Variants in ESPL1 observed in about 807,000 individuals in gnomAD.
The protein encoded by ESPL1 is separin.
ESPL1 carries 50 observed loss-of-function variants against 217.2 expected under a neutral mutation model. The ratio of observed to expected loss-of-function variants is 0.23; its 90% CI spans 0.18 to 0.29. The LOEUF is 0.29. Among genes scored for constraint, ESPL1 ranks in the 10% least tolerant of loss-of-function variants. The pLI is 1.00. For synonymous variants in ESPL1, 994 were observed against 1,081.3 expected, an observed-to-expected ratio of 0.92 and a Z score of 1.58; for missense variants, 1,834 against 2,603.0, an observed-to-expected ratio of 0.70 and a Z score of 6.43.
intron 2 of ESPL1, 27 bp from the exon 3 acceptor site, chr12:53,268,997 C>T (rs1943617722): frequency 6.3e-7 from 1 of 1,581,208 alleles, no homozygotes; most frequent in Non-Finnish European, 8.7e-7. Flanking sequence ...CTTTGCTAGC[C>T]CCATTCATAT....
rs761966468 is a variant in ESPL1, at chr12:53,292,129, G to A, written c.5796+41G>A. On this transcript the variant is annotated intron_variant, in intron 27 of 30. Coordinates refer to ENST00000257934, the MANE Select transcript of ESPL1 (RefSeq NM_012291.5). This position sits in a 1 kb window ranked among gnomAD's most constrained non-coding sequence, Gnocchi z 4.5. Reference sequence around the variant, plus strand: ...TAGTGTCTGGGGATGACTGGCGACTGGGGAAGACGTCAACAAAGAAGGGCA... The same window carrying A: ...TAGTGTCTGGGGATGACTGGCGACTAGGGAAGACGTCAACAAAGAAGGGCA... 1.2e-5 allele frequency: 18 copies of A among 1,527,562 alleles called. No homozygotes were observed. The highest frequency in any genetic ancestry group is 1.6e-5 in the Non-Finnish European group (18 of 1,101,330). 94.6% of individuals were successfully genotyped at this position (1,527,562 alleles called of 1,614,324 possible).
chr12:53,274,723 A>C (rs753239624), intron 6 of ESPL1, 94 bp from the exon 7 acceptor site: 3 of 1,019,864 alleles, frequency 2.9e-6, no homozygotes, highest in Non-Finnish European at 3.0e-6. Flanking sequence ...CCGCCCCCTC[A>C]TGTGGTGTAT....
intron 7 of ESPL1, among the ~76,000 whole-genome samples, 164 bp downstream of exon 7, chr12:53,275,174 A>G (rs552126006): frequency 1.3e-5 from 2 of 152,258 alleles, no homozygotes; most frequent in East Asian, 3.9e-4. Flanking sequence ...GGCCGTGCAC[A>G]GTGGCTCACA....
Position 53,277,219 on chromosome 12 carries a change from A to G in ESPL1, c.2077A>G (p.Met693Val), listed in dbSNP as rs149801859. The change falls in exon 9 of 31, where the codon ATG (methionine) becomes GTG (valine). Residue 693 changes from methionine to valine, a missense_variant. By Grantham distance (21) the Met-to-Val change is conservative (BLOSUM62 1). Coordinates refer to ENST00000257934, the MANE Select transcript of ESPL1 (RefSeq NM_012291.5). ...WLYICTLEAK[M>V]QEGIERDRRA... Reference sequence around the variant, plus strand: ...TTACATCTGTACTCTGGAAGCCAAAATGCAGGAAGTGAGTGTGGCTGCTGT... The same window carrying G: ...TTACATCTGTACTCTGGAAGCCAAAGTGCAGGAAGTGAGTGTGGCTGCTGT... The G allele has an allele frequency of 1.9e-6, 3 of 1,607,748 alleles. No individual in the cohort carries two copies. In the African/African-American group the frequency reaches 4.0e-5, roughly 21 times the overall value.
rs958832778 is a variant in ESPL1 at position 53,268,351 on chromosome 12, C to T, written c.-39C>T. The T allele has an allele frequency of 4.2e-5, 8 of 190,550 alleles. No individual in the cohort carries two copies. Among genetic ancestry groups the T allele is most frequent in the African/African-American group, 1.9e-4 (8 of 42,230 alleles). The allele number at this position is 190,550 out of a possible 1,614,324, so 11.8% of individuals were successfully genotyped here. ...CTGGTCAGGCGGTTAAGTCCTGTAC[C>T]TAGGAAAGAGGGCGAGCTCTGGGGC... On this transcript the variant is annotated 5_prime_UTR_variant, in exon 1 of 31. Coordinates refer to ENST00000257934, the MANE Select transcript of ESPL1 (RefSeq NM_012291.5).
chr12:53,272,695 T>G (rs1246890168), intron 5 of ESPL1, 26 bp from the exon 6 acceptor site: 1 of 1,609,852 alleles, frequency 6.2e-7, no homozygotes, highest in Non-Finnish European at 8.5e-7. Flanking sequence ...TTTCCTATGG[T>G]CAATTGTGCC....
intron 24 of ESPL1, 76 bp from the exon 25 acceptor site, chr12:53,290,765 A>G: frequency 1.1e-5 from 6 of 548,216 alleles, no homozygotes; most frequent in Non-Finnish European, 1.3e-5. Flanking sequence ...GCATTTTCTC[A>G]TCTCCAAAAT....
chr12:53,290,925 C>A lies in ESPL1; in HGVS notation c.5449C>A (p.Gln1817Lys). 1.2e-6 allele frequency: 2 copies of A among 1,606,494 alleles called. No individual in the cohort carries two copies. The highest frequency in any genetic ancestry group is 1.7e-6 in the Non-Finnish European group (2 of 1,176,784). ...GTCCAGTGAGGAGCCCGGCCCTGCCCAGGAGGCCTCCCGCCTACAGGAGCT... is the reference window on the plus strand; with the variant it reads ...GTCCAGTGAGGAGCCCGGCCCTGCCAAGGAGGCCTCCCGCCTACAGGAGCT... ...LPSSEEPGPA[Q>K]EASRLQELLQ... Residue 1817 changes from glutamine (Q) to lysine (K), a missense_variant, in exon 25 of 31, where the codon CAG (glutamine) becomes AAG (lysine). Physicochemically the swap from Gln to Lys is moderately conservative, Grantham distance 53. Coordinates refer to ENST00000257934, the MANE Select transcript of ESPL1 (RefSeq NM_012291.5).
chr12:53,284,274 G>A lies in ESPL1; in HGVS notation c.3187+107G>A, dbSNP rs956161970. 5 of 754,694 alleles carry A rather than the reference G, an allele frequency of 6.6e-6. No individual in the cohort carries two copies. The Admixed American group carries it at 9.9e-5, about 15-fold the overall frequency. The allele number at this position is 754,694 out of a possible 1,614,324, so 46.7% of individuals were successfully genotyped here. The stretch of plus-strand genomic sequence containing the variant: ...TGCCTTTTTTTATTTTTGAGACAGA[G>A]TCTCACTTTATTACCCAGGCTGGAG... On this transcript the variant is annotated intron_variant, in intron 17 of 30. Coordinates refer to ENST00000257934, the MANE Select transcript of ESPL1 (RefSeq NM_012291.5).
chr12:53,274,697 G>A (rs1184710394), intron 6 of ESPL1, 120 bp from the exon 7 acceptor site: 1 of 748,958 alleles, frequency 1.3e-6, no homozygotes, highest in South Asian at 1.7e-5. Context: ...TGGCTCAGGA[G>A]GCCCACCTGC....
chr12:53,288,732 G>C (rs759585368), intron 20 of ESPL1, 33 bp downstream of exon 20: 1 of 1,585,158 alleles, frequency 6.3e-7, no homozygotes, highest in Non-Finnish European at 8.6e-7. Flanking sequence ...TGGTCACTTG[G>C]AGAGGGCTGA....
chr12:53,288,592 T>A lies in ESPL1; in HGVS notation c.4601T>A (p.Leu1534Gln). 3 of 1,613,810 alleles carry A rather than the reference T, an allele frequency of 1.9e-6. No individual in the cohort carries two copies. In the South Asian group the frequency reaches 3.3e-5, roughly 18 times the overall value. Residue 1534 changes from leucine (L) to glutamine (Q), a missense_variant, in exon 20 of 31, where the codon CTG (leucine) becomes CAG (glutamine). Leu to Gln is a moderately radical substitution (Grantham distance 113). This residue lies in a region of ESPL1 where 681 missense variants were observed against 808.0 expected (regional missense o/e 0.84). Transcript: ENST00000257934. ...PEAASGEWELLRLDSSKKKLP... is the reference protein window; with the variant it reads ...PEAASGEWELQRLDSSKKKLP... ...GCAGCTTCTGGAGAATGGGAGCTGCTGAGGCTGGATTCCAGCAAGAAGAAG... is the reference window on the plus strand; with the variant it reads ...GCAGCTTCTGGAGAATGGGAGCTGCAGAGGCTGGATTCCAGCAAGAAGAAG...
Position 53,293,227 on chromosome 12 carries a change from C to G in ESPL1, c.6162-46C>G. 2 of 1,492,132 alleles carry G rather than the reference C, an allele frequency of 1.3e-6. No homozygotes were observed. Among genetic ancestry groups the G allele is most frequent in the Non-Finnish European group, 1.9e-6 (2 of 1,069,326 alleles). 92.4% of individuals were successfully genotyped at this position (1,492,132 alleles called of 1,614,324 possible). A position where few individuals can be genotyped will look rare whatever the true frequency, so the allele number is the denominator to read the frequency against. ...CACCAATGGTGTTTTCCTATGTATT[C>G]TGTTTTAGAGCCCTTACTTTGTATT... On this transcript the variant is annotated intron_variant, in intron 30 of 30. Transcript: ENST00000257934. This position sits in a 1 kb window ranked among gnomAD's most constrained non-coding sequence, Gnocchi z 4.2.
At position 53,277,626 on chromosome 12, in the gene ESPL1, T is replaced by G; in HGVS notation, c.2224+18T>G. The G allele has an allele frequency of 6.2e-7, 1 of 1,612,708 alleles. No individual in the cohort carries two copies. ...AGATGCTGGTGAGGGGTAAATGGAG[T>G]GTGGCATGGGCATCTCCATGGCTTC... On this transcript the variant is annotated intron_variant, in intron 10 of 30. Coordinates refer to ENST00000257934, the MANE Select transcript of ESPL1 (RefSeq NM_012291.5).
chr12:53,278,208 T>C (rs1338792206), intron 11 of ESPL1, among the ~76,000 whole-genome samples: 1 of 152,198 alleles, frequency 6.6e-6, no homozygotes, highest in Non-Finnish European at 1.5e-5. Flanking sequence ...TACTGCCTCG[T>C]GGCGTTATTA....
At chr12:53,273,343 T>C (rs1209396305) in intron 6 of ESPL1, among the ~76,000 whole-genome samples, 2 of 151,736 alleles carry the variant, frequency 1.3e-5, no homozygotes, top group African/African-American at 4.8e-5. Context: ...GCAGCCGGCC[T>C]GACTCACTTT....
rs1943950935 is a variant in ESPL1, at chr12:53,286,507, G to A, written c.3771G>A (p.Arg1257=). The A allele has an allele frequency of 6.2e-7, 1 of 1,614,192 alleles. No individual in the cohort carries two copies. The highest frequency in any genetic ancestry group is 8.5e-7 in the Non-Finnish European group (1 of 1,180,028). ...LQSGLKFVAA[R]IPHLEPWRAS... ...CAGGGCTGAAGTTTGTAGCAGCACGGATACCCCACCTAGAGCCCTGGCGAG... is the reference window on the plus strand; with the variant it reads ...CAGGGCTGAAGTTTGTAGCAGCACGAATACCCCACCTAGAGCCCTGGCGAG... Residue 1257 remains arginine, a synonymous_variant, in exon 18 of 31, where the codon CGG becomes CGA. Coordinates refer to ENST00000257934, the MANE Select transcript of ESPL1 (RefSeq NM_012291.5). This position sits in a 1 kb window ranked among gnomAD's most constrained non-coding sequence, Gnocchi z 5.3.
At chr12:53,270,140 G>A in intron 3 of ESPL1, 55 bp downstream of exon 3, 1 of 1,452,064 alleles carries the variant, frequency 6.9e-7, no homozygotes. Flanking sequence ...CTCACTACCA[G>A]CCTAGGGTAT....
At position 53,286,206 on chromosome 12, in the gene ESPL1, C is replaced by G. The variant is rs759988971; in HGVS notation, c.3470C>G (p.Thr1157Arg). The G allele has an allele frequency of 2.4e-5, 39 of 1,614,288 alleles. 1 individual carries two copies. The South Asian group carries it at 3.8e-4, about 16-fold the overall frequency. ...DCSLCASPVL[T>R]AVCLRWVLVT... The stretch of plus-strand genomic sequence containing the variant: ...TCGCTCTGCGCCAGCCCTGTCCTCA[C>G]AGCAGTCTGTCTGCGCTGGGTATTG... The change falls in exon 18 of 31, where the codon ACA becomes AGA. Residue 1157 changes from threonine to arginine, a missense_variant. Physicochemically the swap from Thr to Arg is moderately conservative, Grantham distance 71. Coordinates refer to ENST00000257934, the MANE Select transcript of ESPL1 (RefSeq NM_012291.5). The surrounding 1 kb of genome is among the most constrained non-coding windows in gnomAD (Gnocchi z 5.3).
Sources: gnomAD v4.1 joint callset for allele counts (sites outside exome capture counted in the v4.1 genomes callset) on GRCh38, gnomAD v4.1.1 for gene constraint, gnomAD v4.1.1 regional missense constraint, Gnocchi (gnomAD v3.1) non-coding constraint, MANE v1.5 for transcripts, NCBI Gene and HGNC (gene_info 2026-07-23, HGNC 2026-07-21) for gene names.